ITGAE: variants seen among roughly 807,000 people sequenced by gnomAD.
ITGAE encodes the protein integrin subunit alpha E.
ITGAE carries 99 observed loss-of-function variants against 136.5 expected under a neutral mutation model. That is an observed-to-expected ratio of 0.73 (90% confidence interval 0.62 to 0.86). ITGAE has a LOEUF of 0.86. Among genes scored for constraint, ITGAE ranks in the 40% least tolerant of loss-of-function variants. The pLI, the probability that ITGAE is intolerant of heterozygous loss-of-function variation, is 0.00. For missense variants in ITGAE, 1,447 were observed against 1,515.3 expected (o/e 0.95, Z 0.75); for synonymous variants, 613 against 591.8 (o/e 1.04, Z -0.52).
At chr17:3,785,636 G>T (rs942568701) in intron 1 of ITGAE, among the ~76,000 whole-genome samples, 3 of 151,924 alleles carry the variant, frequency 2.0e-5, no homozygotes, top group Non-Finnish European at 4.4e-5. Context: ...AATTACAGTG[G>T]AATAGCAAAT....
chr17:3,723,198 C>A (rs1468529912), intron 28 of ITGAE, 90 bp downstream of exon 28: 3 of 909,932 alleles, frequency 3.3e-6, no homozygotes, highest in Admixed American at 1.8e-5. Context: ...TGGACATGGA[C>A]ATGTTATGCA....
rs774891020 is a variant in ITGAE at position 3,753,878 on chromosome 17, C to T, written c.1432G>A (p.Ala478Thr). ...LHKTCSLSYI[A>T]GAPRYKHHGA... ...TGATGTTTGTACCGTGGAGCCCCCGCGATGTAGGAGAGGCTGCAGGTCTTG... is the reference window on the plus strand; with the variant it reads ...TGATGTTTGTACCGTGGAGCCCCCGTGATGTAGGAGAGGCTGCAGGTCTTG... Residue 478 changes from alanine (A) to threonine (T), a missense_variant, in exon 13 of 31, where the codon GCG (alanine) becomes ACG (threonine). Transcript: ENST00000263087. The T allele has an allele frequency of 9.3e-6, 15 of 1,614,002 alleles. No individual in the cohort carries two copies. The Admixed American group carries it at 1.8e-4, about 20-fold the overall frequency.
At chr17:3,779,815 G>A (rs1377354364) in intron 1 of ITGAE, among the ~76,000 whole-genome samples, 1 of 151,904 alleles carries the variant, frequency 6.6e-6, no homozygotes, top group Non-Finnish European at 1.5e-5. Context: ...AATTTTTTGG[G>A]GAAAAATAGA....
intron 8 of ITGAE, 143 bp downstream of exon 8, chr17:3,759,258 CA>C: frequency 4.5e-6 from 4 of 885,348 alleles, no homozygotes; most frequent in Non-Finnish European, 5.1e-6. Flanking sequence ...CTTGAGGTGT[CA>C]TCCCTCACGT....
At chr17:3,765,085 C>G (rs551033251) in intron 2 of ITGAE, among the ~76,000 whole-genome samples, 83 of 152,048 alleles carry the variant, frequency 5.5e-4, no homozygotes, top group Non-Finnish European at 9.1e-4. Context: ...CGCGGTGGCT[C>G]ACGCCTGTAA....
chr17:3,755,026 C>T, intron 12 of ITGAE, 91 bp downstream of exon 12: 2 of 1,259,514 alleles, frequency 1.6e-6, no homozygotes, highest in Non-Finnish European at 2.1e-6. Flanking sequence ...CCCTCGCCCA[C>T]GTAGCCCTCA....
chr17:3,796,170 C>CGTGTGTGTGTGTGTGTGTGTGTGTGTGT (rs71381510), intron 1 of ITGAE, among the ~76,000 whole-genome samples: 1,815 of 126,752 alleles, frequency 0.014, 73 homozygotes, highest in Admixed American at 0.028. Flanking sequence ...TGTGTGCATC[C>CGTGTGTGTGTGTGTGTGTGTGTGTGTGT]GTGTGTGTGT....
At position 3,757,100 on chromosome 17, in the gene ITGAE, C is replaced by G. The variant is rs1240074300; in HGVS notation, c.1055G>C (p.Arg352Thr). 6.2e-7 allele frequency: 1 copy of G among 1,614,186 alleles called. No homozygotes were observed. The highest frequency in any genetic ancestry group is 1.7e-5 in the Admixed American group (1 of 60,020). Residue 352 changes from arginine (R) to threonine (T), a missense_variant, in exon 10 of 31, where the codon AGG becomes ACG. By Grantham distance (71) the Arg-to-Thr change is moderately conservative. Around this residue, in one of 3 missense-constraint regions of ITGAE, gnomAD observed 310 missense variants for 416.1 expected, o/e 0.74. Transcript: ENST00000263087. ...GTCTGAGGCGATCAGGTTCAGTTCC[C>G]TCGCAGTCCTAGCACTCTTAAATTC... ...GEEFKSARTA[R>T]ELNLIASDPD...
chr17:3,752,510 C>T (rs2051896276), intron 14 of ITGAE, among the ~76,000 whole-genome samples: 1 of 152,226 alleles, frequency 6.6e-6, no homozygotes, highest in South Asian at 2.1e-4. Flanking sequence ...AATCTCATCA[C>T]TTTGGGAGGC....
chr17:3,785,492 GAAGGAGGAAGGAAGGAAGGAAGGAAGGA>G (rs1181699487), intron 1 of ITGAE, among the ~76,000 whole-genome samples: 1,498 of 134,972 alleles, frequency 0.011, 35 homozygotes, highest in African/African-American at 0.042. Flanking sequence ...AGGAAGGAAG[GAAGGAGGAAGGAAGGAAGGAAGGAAGGA>G]AGGAAGGAAG....
chr17:3,723,861 G>A lies in ITGAE; in HGVS notation c.3085-117C>T, dbSNP rs1045580245. ...GCGCAGGGCCGGGAGCTAGGACCCC[G>A]CGGCAGGCGGGCGCGTCCGCGTCGC... is the stretch of plus-strand genomic sequence containing the variant. On this transcript the variant is annotated intron_variant, in intron 26 of 30. Transcript: ENST00000263087. 16 of 1,518,474 alleles carry A rather than the reference G, an allele frequency of 1.1e-5. No homozygotes were observed. In the Admixed American group the frequency reaches 1.3e-4, roughly 12 times the overall value. 94.1% of individuals were successfully genotyped at this position (1,518,474 alleles called of 1,614,324 possible). A position where few individuals can be genotyped will look rare whatever the true frequency, so the allele number is the denominator to read the frequency against.
chr17:3,739,927 G>T, intron 19 of ITGAE, 49 bp from the exon 20 acceptor site: 1 of 1,475,684 alleles, frequency 6.8e-7, no homozygotes, highest in Non-Finnish European at 9.5e-7. Context: ...GCCTTCCCCA[G>T]CAGCCCTGCC....
At chr17:3,721,982 C>A (rs1323769002) in intron 28 of ITGAE, among the ~76,000 whole-genome samples, 1 of 151,754 alleles carries the variant, frequency 6.6e-6, no homozygotes, top group Non-Finnish European at 1.5e-5. Context: ...GAGTTCAAGA[C>A]CAGCCTCACC....
At chr17:3,789,537 G>A (rs2052887735) in intron 1 of ITGAE, among the ~76,000 whole-genome samples, 1 of 131,304 alleles carries the variant, frequency 7.6e-6, no homozygotes, top group Non-Finnish European at 1.5e-5. Context: ...GTCTCGCTCT[G>A]TCACCCAGGC....
At position 3,724,161 on chromosome 17, in the gene ITGAE, G is replaced by A. The variant is rs770918823; in HGVS notation, c.3085-417C>T. Reference sequence around the variant, plus strand: ...CGACCCCGACTTCCCCGGCAGCCCGGTGAGGCGGCGGCGGAGGCGTCCCGG... The same window carrying A: ...CGACCCCGACTTCCCCGGCAGCCCGATGAGGCGGCGGCGGAGGCGTCCCGG... On this transcript the variant is annotated intron_variant, in intron 26 of 30. Transcript: ENST00000263087. The A allele has an allele frequency of 3.8e-6, 6 of 1,594,154 alleles. No individual in the cohort carries two copies. In the African/African-American group the frequency reaches 4.0e-5, roughly 11 times the overall value.
intron 26 of ITGAE, among the ~76,000 whole-genome samples, chr17:3,727,418 G>C (rs1209704730): frequency 8.6e-6 from 1 of 116,484 alleles, no homozygotes; most frequent in Non-Finnish European, 1.8e-5. Flanking sequence ...TTTTTTTTTT[G>C]AGATGGAGTC....
At chr17:3,768,938 CAGGGCTGA>C (rs1044354324) in intron 2 of ITGAE, among the ~76,000 whole-genome samples, 39 of 152,320 alleles carry the variant, frequency 2.6e-4, no homozygotes, top group African/African-American at 8.9e-4. Context: ...TCATCTGGGG[CAGGGCTGA>C]GGGGCGGAGG....
At chr17:3,773,982 T>C (rs1231192538) in intron 2 of ITGAE, among the ~76,000 whole-genome samples, 1 of 152,250 alleles carries the variant, frequency 6.6e-6, no homozygotes, top group Admixed American at 6.5e-5. Flanking sequence ...TTGTAAAATA[T>C]ATATTCAGTC....
Position 3,777,659 on chromosome 17 carries a change from G to C in ITGAE, c.36C>G (p.Ser12Arg). 1 of 1,607,730 alleles carries C rather than the reference G, an allele frequency of 6.2e-7. No individual in the cohort carries two copies. Among genetic ancestry groups the C allele is most frequent in the Non-Finnish European group, 8.5e-7 (1 of 1,177,288 alleles). The change falls in exon 2 of 31, where the codon AGC becomes AGG. Residue 12 changes from serine (S) to arginine (R), a missense_variant and splice_region_variant. Around this residue, in one of 3 missense-constraint regions of ITGAE, gnomAD observed 106 missense variants for 87.8 expected, o/e 1.21. Coordinates refer to ENST00000263087, the MANE Select transcript of ITGAE (RefSeq NM_002208.5). Reference protein sequence around the residue: ...WLFHTLLCIASLALLAAFNVD... With the variant: ...WLFHTLLCIARLALLAAFNVD... ...CATTGAAAGCGGCCAGCAGGGCCAG[G>C]CCTGTAGGGAAAAGAGGAGCGTTTA...
Sources: gnomAD v4.1 joint callset for allele counts (sites outside exome capture counted in the v4.1 genomes callset) on GRCh38, gnomAD v4.1.1 for gene constraint, gnomAD v4.1.1 regional missense constraint, MANE v1.5 for transcripts, NCBI Gene and HGNC (gene_info 2026-07-23, HGNC 2026-07-21) for gene names.